CHKA: variants seen among roughly 807,000 people sequenced by gnomAD.
CHKA encodes the protein choline kinase alpha.
Under a neutral mutation model 60.1 loss-of-function variants are expected in CHKA, and 34 were observed. The ratio of observed to expected loss-of-function variants is 0.57; its 90% CI spans 0.43 to 0.75. CHKA has a LOEUF of 0.75. Among genes scored for constraint, CHKA ranks in the 30% least tolerant of loss-of-function variants. The pLI, the probability that CHKA is intolerant of heterozygous loss-of-function variation, is 0.00. For missense variants in CHKA, 563 were observed against 561.3 expected (o/e 1.00, Z -0.03); for synonymous variants, 217 against 223.1 (o/e 0.97, Z 0.24).
chr11:68,055,016 TTC>T (rs1179109664), intron 11 of CHKA, among the ~76,000 whole-genome samples: 2 of 152,252 alleles, frequency 1.3e-5, no homozygotes, highest in African/African-American at 4.8e-5. Flanking sequence ...CTGCCGAGTG[TTC>T]TCAGTACACG....
rs200387131 is a variant in CHKA at position 68,072,688 on chromosome 11, A to AT, written c.631-1832dup. Among the ~76,000 whole-genome samples, 1,064 of 152,172 alleles carry AT rather than the reference A, an allele frequency of 7.0e-3. 5 individuals carry two copies. The highest frequency in any genetic ancestry group is 9.5e-3 in the Non-Finnish European group (649 of 68,004). ...TGGTTCAAACCTAGTATATAACAGA[A>AT]TTTTAAAAAAATCTTCACTATGGCT... On this transcript the variant is annotated intron_variant, in intron 4 of 11. Coordinates refer to ENST00000265689, the MANE Select transcript of CHKA (RefSeq NM_001277.3).
At chr11:68,073,105 CCT>C (rs1856676350) in intron 4 of CHKA, among the ~76,000 whole-genome samples, 1 of 152,124 alleles carries the variant, frequency 6.6e-6, no homozygotes, top group Non-Finnish European at 1.5e-5. Context: ...TGATGCCTGC[CCT>C]TTTTGTCCCC....
rs1436051930 is a variant in CHKA at position 68,121,261 on chromosome 11, TCTCTCA to T, written c.-90_-85del. 6.8e-6 allele frequency: 7 copies of T among 1,031,868 alleles called. No homozygotes were observed. Among genetic ancestry groups the T allele is most frequent in the Non-Finnish European group, 8.2e-6 (7 of 855,614 alleles). 63.9% of individuals were successfully genotyped at this position (1,031,868 alleles called of 1,614,324 possible). A position where few individuals can be genotyped will look rare whatever the true frequency, so the allele number is the denominator to read the frequency against. On this transcript the variant is annotated 5_prime_UTR_variant, in exon 1 of 12. Transcript: ENST00000265689. ...GTCCGGCCGGGCGCCCCCTCGCCGC[TCTCTCA>T]CTGGCAGGCCGGCGGGGCAGGGGGC...
At chr11:68,057,262 C>T (rs1285231605) in intron 11 of CHKA, among the ~76,000 whole-genome samples, 3 of 152,180 alleles carry the variant, frequency 2.0e-5, no homozygotes, top group East Asian at 3.8e-4. Flanking sequence ...CTATTTTTTC[C>T]TCTTTTATGG....
At chr11:68,119,498 GTCTC>G (rs1239463781) in intron 1 of CHKA, among the ~76,000 whole-genome samples, 1 of 152,126 alleles carries the variant, frequency 6.6e-6, no homozygotes, top group African/African-American at 2.4e-5. Flanking sequence ...TTTTGAGACA[GTCTC>G]TCTCTGTCAA....
intron 1 of CHKA, among the ~76,000 whole-genome samples, chr11:68,104,163 G>A (rs1857828800): frequency 6.6e-6 from 1 of 152,110 alleles, no homozygotes; most frequent in African/African-American, 2.4e-5. Flanking sequence ...ATAAAAGCAG[G>A]AAATTCTGTC....
chr11:68,095,031 G>C (rs556951691), intron 2 of CHKA, among the ~76,000 whole-genome samples: 105 of 151,852 alleles, frequency 6.9e-4, no homozygotes, highest in African/African-American at 2.2e-3. Context: ...GAAATAGGCC[G>C]GTCTTTTAAA....
chr11:68,061,906 C>G, intron 11 of CHKA, 47 bp downstream of exon 11: 1 of 1,285,566 alleles, frequency 7.8e-7, no homozygotes, highest in South Asian at 1.3e-5. Flanking sequence ...GCATTTTTAC[C>G]TGGGAGTAGG....
chr11:68,120,897 C>T lies in CHKA; in HGVS notation c.281G>A (p.Trp94Ter). Residue 94 changes from tryptophan (W) to a stop codon, truncating the protein, a stop_gained, in exon 1 of 12, where the codon TGG becomes TAG. Coordinates refer to ENST00000265689, the MANE Select transcript of CHKA (RefSeq NM_001277.3). LOFTEE classifies it high-confidence loss of function. The part of the protein sequence containing the change: ...EPRTRRRAYL[W>*]CKEFLPGAWR... Reference sequence around the variant, plus strand: ...GGCGCCGGGCAGGAACTCCTTGCACCACAGATAGGCCCTGCGCCGCGTCCG... The same window carrying T: ...GGCGCCGGGCAGGAACTCCTTGCACTACAGATAGGCCCTGCGCCGCGTCCG... 1 of 1,333,128 alleles carries T rather than the reference C, an allele frequency of 7.5e-7. No individual in the cohort carries two copies. Among genetic ancestry groups the T allele is most frequent in the Non-Finnish European group, 9.7e-7 (1 of 1,029,282 alleles). 82.6% of individuals were successfully genotyped at this position (1,333,128 alleles called of 1,614,324 possible). A position where few individuals can be genotyped will look rare whatever the true frequency, so the allele number is the denominator to read the frequency against.
At chr11:68,092,415 T>C (rs1206498224) in intron 2 of CHKA, among the ~76,000 whole-genome samples, 2 of 152,194 alleles carry the variant, frequency 1.3e-5, no homozygotes, top group African/African-American at 4.8e-5. Context: ...ACATTAGCAA[T>C]TTCATCACAG....
At chr11:68,078,271 C>T (rs1241926627) in intron 3 of CHKA, among the ~76,000 whole-genome samples, 1 of 152,126 alleles carries the variant, frequency 6.6e-6, no homozygotes, top group East Asian at 1.9e-4. Context: ...CATTTCATGC[C>T]CCACTAGAGG....
chr11:68,076,302 G>A (rs955509122), intron 3 of CHKA, among the ~76,000 whole-genome samples: 19 of 151,970 alleles, frequency 1.3e-4, no homozygotes, highest in African/African-American at 4.4e-4. Context: ...TATCAGACAG[G>A]TTTTATTTCT....
At chr11:68,100,415 C>T (rs1464529413) in intron 1 of CHKA, among the ~76,000 whole-genome samples, 1 of 151,892 alleles carries the variant, frequency 6.6e-6, no homozygotes, top group Non-Finnish European at 1.5e-5. Context: ...CATGGTGAAA[C>T]CCTGTCTCTA....
chr11:68,065,942 C>CTCA, intron 8 of CHKA, 48 bp from the exon 9 acceptor site: 4 of 1,331,214 alleles, frequency 3.0e-6, no homozygotes, highest in Non-Finnish European at 4.3e-6. Flanking sequence ...AACCGTATGC[C>CTCA]TGGAGGCTCC....
intron 2 of CHKA, among the ~76,000 whole-genome samples, chr11:68,095,718 A>AC (rs1857484170): frequency 7.1e-6 from 1 of 141,496 alleles, no homozygotes; most frequent in African/African-American, 2.6e-5. Context: ...CAAAAAAAAA[A>AC]AAAAAAAAAA....
At chr11:68,104,892 G>A (rs953987753) in intron 1 of CHKA, among the ~76,000 whole-genome samples, 1 of 150,280 alleles carries the variant, frequency 6.7e-6, no homozygotes, top group African/African-American at 2.4e-5. Context: ...ATCATCTGAG[G>A]TCAGGAGTTC....
intron 6 of CHKA, among the ~76,000 whole-genome samples, 192 bp from the exon 7 acceptor site, chr11:68,069,129 CT>C (rs1459110401): frequency 2.6e-5 from 4 of 152,116 alleles, no homozygotes; most frequent in Non-Finnish European, 5.9e-5. Context: ...GCACTCAGCT[CT>C]TCCCCCGGAG....
intron 1 of CHKA, among the ~76,000 whole-genome samples, chr11:68,116,199 C>G (rs1450953668): frequency 6.6e-6 from 1 of 152,166 alleles, no homozygotes; most frequent in Non-Finnish European, 1.5e-5. Context: ...ATTCATTGAA[C>G]TTCATGAAAT....
chr11:68,118,213 G>A (rs945898468), intron 1 of CHKA, among the ~76,000 whole-genome samples: 1 of 152,124 alleles, frequency 6.6e-6, no homozygotes, highest in East Asian at 1.9e-4. Flanking sequence ...AGGCTGAAGC[G>A]GAAGGACTGC....
Sources: allele counts gnomAD v4.1 joint callset (sites outside exome capture counted in the v4.1 genomes callset), GRCh38; gene constraint gnomAD v4.1.1; transcripts MANE v1.5; gene names NCBI Gene and HGNC (gene_info 2026-07-23, HGNC 2026-07-21).